The following VTI1A variants were observed in gnomAD, a reference collection of about 807,000 sequenced individuals.
VTI1A encodes vesicle transport through interaction with t-SNAREs 1A.
A neutral mutation model predicts 34.9 loss-of-function variants in VTI1A; 22 were observed. The observed-to-expected ratio is 0.63, with a 90% confidence interval of 0.45 to 0.90. VTI1A has a LOEUF of 0.90. Ranked by LOEUF, VTI1A falls within the 40% of genes least tolerant of loss-of-function variation. VTI1A has a pLI of 0.00. For synonymous variants in VTI1A, 87 were observed against 97.3 expected, an observed-to-expected ratio of 0.89 and a Z score of 0.62; for missense variants, 268 against 275.6, an observed-to-expected ratio of 0.97 and a Z score of 0.20.
intron 7 of VTI1A, among the ~76,000 whole-genome samples, chr10:112,802,150 G>A (rs959669248): frequency 6.6e-5 from 10 of 152,196 alleles, no homozygotes; most frequent in African/African-American, 2.4e-4. Context: ...TTGGGAGGCT[G>A]AGGCAGATCA....
chr10:112,670,227 G>A (rs1387653068), intron 7 of VTI1A, among the ~76,000 whole-genome samples: 1 of 152,140 alleles, frequency 6.6e-6, no homozygotes, highest in East Asian at 1.9e-4. Flanking sequence ...TGCGTCGTGA[G>A]CTGTAACGAA....
At chr10:112,654,335 C>A (rs1177546476) in intron 5 of VTI1A, among the ~76,000 whole-genome samples, 1 of 152,056 alleles carries the variant, frequency 6.6e-6, no homozygotes, top group African/African-American at 2.4e-5. Context: ...TATTAGGAAA[C>A]CTTATCTCCT....
intron 5 of VTI1A, among the ~76,000 whole-genome samples, chr10:112,609,275 G>A (rs769928128): frequency 1.4e-4 from 22 of 152,136 alleles, no homozygotes; most frequent in Non-Finnish European, 2.5e-4. Context: ...CTAAGAAAAG[G>A]AAGCAAGTAA....
the VTI1A span, among the ~76,000 whole-genome samples, chr10:112,835,441 C>T: frequency 6.6e-6 from 1 of 152,206 alleles, no homozygotes; most frequent in South Asian, 2.1e-4. Flanking sequence ...AGCCCTCTCC[C>T]CTGCAGTTCT....
chr10:112,634,712 A>G (rs942689771), intron 5 of VTI1A, among the ~76,000 whole-genome samples: 1 of 151,744 alleles, frequency 6.6e-6, no homozygotes, highest in Non-Finnish European at 1.5e-5. Context: ...AAAATCTTCT[A>G]CGTAATTATC....
chr10:112,840,762 A>C, the VTI1A span, among the ~76,000 whole-genome samples: 2 of 151,982 alleles, frequency 1.3e-5, no homozygotes, highest in Non-Finnish European at 2.9e-5. Context: ...GTATTTCTTT[A>C]TGTATGGTAT....
At chr10:112,849,025 T>A in the VTI1A span, among the ~76,000 whole-genome samples, 1 of 152,144 alleles carries the variant, frequency 6.6e-6, no homozygotes. Context: ...GATGGTGGGG[T>A]GAGGCCAGCT....
At chr10:112,798,059 C>T (rs1351451198) in intron 7 of VTI1A, among the ~76,000 whole-genome samples, 4 of 11,596 alleles carry the variant, frequency 3.4e-4, no homozygotes, top group Non-Finnish European at 2.4e-3. Flanking sequence ...AAACACCAGG[C>T]TCCAAAGCTT....
chr10:112,577,112 A>G (rs1214220285), intron 5 of VTI1A, among the ~76,000 whole-genome samples: 1 of 152,160 alleles, frequency 6.6e-6, no homozygotes, highest in African/African-American at 2.4e-5. Flanking sequence ...CATGCCTACA[A>G]AGAACTCACT....
At chr10:112,803,042 C>T (rs1249104763) in intron 7 of VTI1A, among the ~76,000 whole-genome samples, 3 of 152,140 alleles carry the variant, frequency 2.0e-5, no homozygotes, top group Non-Finnish European at 4.4e-5. Context: ...TTTTCCCAGT[C>T]GTCCCATGCC....
intron 7 of VTI1A, among the ~76,000 whole-genome samples, chr10:112,739,019 G>A (rs1850596705): frequency 1.3e-5 from 2 of 152,140 alleles, no homozygotes; most frequent in South Asian, 2.1e-4. Flanking sequence ...AGGCCATCAT[G>A]CTGCCAATCA....
At chr10:112,741,717 T>G (rs1362373647) in intron 7 of VTI1A, among the ~76,000 whole-genome samples, 2 of 152,190 alleles carry the variant, frequency 1.3e-5, no homozygotes, top group East Asian at 1.9e-4. Context: ...TAGGATATCT[T>G]CAAAAATCAA....
chr10:112,699,673 A>G (rs561874177), intron 7 of VTI1A, among the ~76,000 whole-genome samples: 1 of 151,648 alleles, frequency 6.6e-6, no homozygotes, highest in East Asian at 1.9e-4. Flanking sequence ...TCTACTAAAA[A>G]TACAAAAATT....
intron 3 of VTI1A, among the ~76,000 whole-genome samples, chr10:112,520,645 GTGTATATA>G (rs1849986769): frequency 9.0e-6 from 1 of 111,140 alleles, no homozygotes. Context: ...GTGTGTGTGT[GTGTATATA>G]TATATATATA....
At chr10:112,815,097 G>A (rs551575760) in intron 7 of VTI1A, among the ~76,000 whole-genome samples, 193 bp from the exon 8 acceptor site, 3 of 150,706 alleles carry the variant, frequency 2.0e-5, no homozygotes, top group South Asian at 2.1e-4. Flanking sequence ...CTCGTGGATC[G>A]TTTGTAGAAC....
At chr10:112,808,083 T>G (rs960223434) in intron 7 of VTI1A, among the ~76,000 whole-genome samples, 18 of 151,952 alleles carry the variant, frequency 1.2e-4, no homozygotes, top group Non-Finnish European at 2.5e-4. Context: ...CCAGGTGCGG[T>G]GGTGCATGCC....
At chr10:112,562,149 C>T (rs984070162) in intron 5 of VTI1A, among the ~76,000 whole-genome samples, 7 of 152,120 alleles carry the variant, frequency 4.6e-5, no homozygotes, top group Admixed American at 1.3e-4. Context: ...TCATATATTC[C>T]TGAGTTACAG....
chr10:112,519,716 C>T (rs997406429), intron 3 of VTI1A, among the ~76,000 whole-genome samples: 3 of 152,034 alleles, frequency 2.0e-5, no homozygotes, highest in African/African-American at 7.2e-5. Flanking sequence ...TTCCTAGCTC[C>T]GTGGCCTTGG....
chr10:112,855,223 T>C, the VTI1A span, among the ~76,000 whole-genome samples: 1 of 152,144 alleles, frequency 6.6e-6, no homozygotes. Flanking sequence ...CAGAGAATTT[T>C]CTCTGCCCTT....
Sources: gnomAD v4.1 joint callset for allele counts (sites outside exome capture counted in the v4.1 genomes callset) on GRCh38, gnomAD v4.1.1 for gene constraint, MANE v1.5 for transcripts, NCBI Gene and HGNC (gene_info 2026-07-23, HGNC 2026-07-21) for gene names.